Variants in OR3A2 observed in about 807,000 individuals in gnomAD.
OR3A2 encodes olfactory receptor 3A2.
For missense variants in OR3A2, 318 were observed against 392.8 expected, an observed-to-expected ratio of 0.81 and a Z score of 1.61; for synonymous variants, 126 against 159.3, an observed-to-expected ratio of 0.79 and a Z score of 1.57.
intron 2 of OR3A2, among the ~76,000 whole-genome samples, chr17:3,375,406 G>A (rs1330983662): frequency 6.7e-6 from 1 of 149,866 alleles, no homozygotes; most frequent in Admixed American, 6.7e-5. Context: ...GGGTTCAAGT[G>A]ATTCTCCTGC....
At chr17:3,313,706 T>C (rs2049060877) in intron 3 of OR3A2, among the ~76,000 whole-genome samples, 1 of 152,218 alleles carries the variant, frequency 6.6e-6, no homozygotes, top group African/African-American at 2.4e-5. Flanking sequence ...TGAAAGAGTG[T>C]AGCCTACACA....
intron 3 of OR3A2, among the ~76,000 whole-genome samples, chr17:3,334,469 C>T (rs1249058889): frequency 6.6e-6 from 1 of 152,120 alleles, no homozygotes; most frequent in Non-Finnish European, 1.5e-5. Context: ...CTGCAAATGA[C>T]AGAATTTCGT....
intron 2 of OR3A2, among the ~76,000 whole-genome samples, chr17:3,368,100 ATTTG>A (rs761372044): frequency 2.3e-4 from 35 of 151,686 alleles, no homozygotes; most frequent in Middle Eastern, 3.4e-3. Context: ...TTTCTTGCTG[ATTTG>A]TTTGAGTTCC....
rs569909751 is a variant in OR3A2 at position 3,346,646 on chromosome 17, G to GT, written c.-178-10521dup. On this transcript the variant is annotated intron_variant, in intron 2 of 4. Transcript: ENST00000573491. ...CTAGTTCTTATTCACTCTTTCCATG[G>GT]TTTTTTTTTTTGTACCCATTATCCA... Among the ~76,000 whole-genome samples, 766 of 144,820 alleles carry GT rather than the reference G, an allele frequency of 5.3e-3. 8 individuals carry two copies. The highest frequency in any genetic ancestry group is 0.015 in the African/African-American group (603 of 39,768).
At chr17:3,315,370 A>C (rs970969818) in intron 3 of OR3A2, among the ~76,000 whole-genome samples, 4 of 152,136 alleles carry the variant, frequency 2.6e-5, no homozygotes, top group Non-Finnish European at 5.9e-5. Flanking sequence ...ACTTTTTAAT[A>C]GTAGCCATTC....
At chr17:3,362,181 T>C (rs1276586436) in intron 2 of OR3A2, among the ~76,000 whole-genome samples, 1 of 151,798 alleles carries the variant, frequency 6.6e-6, no homozygotes, top group Admixed American at 6.5e-5. Flanking sequence ...CCATTTCTTC[T>C]AGATTTTCTA....
chr17:3,375,092 A>G (rs1022170939), intron 2 of OR3A2, among the ~76,000 whole-genome samples: 12 of 134,266 alleles, frequency 8.9e-5, no homozygotes, highest in Admixed American at 1.6e-4. Context: ...GAGTAGCTTA[A>G]TAGTCAACCT....
At chr17:3,332,246 G>C (rs1377076627) in intron 3 of OR3A2, among the ~76,000 whole-genome samples, 2 of 152,236 alleles carry the variant, frequency 1.3e-5, no homozygotes, top group Admixed American at 6.5e-5. Flanking sequence ...CACCCAGTTC[G>C]AGCTTCGCGG....
chr17:3,323,050 G>A (rs1403473687), intron 3 of OR3A2, among the ~76,000 whole-genome samples: 1 of 152,124 alleles, frequency 6.6e-6, no homozygotes, highest in East Asian at 1.9e-4. Context: ...GAATTTGGGT[G>A]CTCCTGTATT....
chr17:3,382,578 T>C (rs1162953333), intron 2 of OR3A2, among the ~76,000 whole-genome samples: 3 of 152,256 alleles, frequency 2.0e-5, no homozygotes, highest in Non-Finnish European at 4.4e-5. Context: ...CTTTTCCTCA[T>C]GTCCTATTTT....
chr17:3,373,348 T>G (rs1261510468), intron 2 of OR3A2, among the ~76,000 whole-genome samples: 1 of 152,224 alleles, frequency 6.6e-6, no homozygotes, highest in African/African-American at 2.4e-5. Context: ...ATTGTTTCTT[T>G]GTTGACTGTC....
At chr17:3,346,499 AT>A (rs1429861902) in intron 2 of OR3A2, among the ~76,000 whole-genome samples, 2 of 152,152 alleles carry the variant, frequency 1.3e-5, no homozygotes, top group Non-Finnish European at 2.9e-5. Flanking sequence ...CCGCCTTGCC[AT>A]CCCCTCCAGC....
rs143420160 is a variant in OR3A2, at chr17:3,318,577, C to A, written c.-85+17456G>T. Among the ~76,000 whole-genome samples the A allele has an allele frequency of 5.3e-3, 807 of 152,310 alleles. 7 individuals are homozygous for A. Among genetic ancestry groups the A allele is most frequent in the Middle Eastern group, 0.017 (5 of 294 alleles). On this transcript the variant is annotated intron_variant, in intron 3 of 4. Coordinates refer to the OR3A2 transcript ENST00000573491. ...CTTGTTCTTCCACTGTTCTTCCTAC[C>A]CAGCACAGCCTGCTTACTTTTTAGT...
intron 3 of OR3A2, among the ~76,000 whole-genome samples, chr17:3,329,981 T>C (rs1324053588): frequency 2.7e-5 from 4 of 146,798 alleles, no homozygotes; most frequent in Admixed American, 6.8e-5. Context: ...CCAGTAGTCA[T>C]TCAGGAGCAG....
chr17:3,290,960 A>T (rs1390137858), intron 3 of OR3A2: 1 of 152,186 alleles, frequency 6.6e-6, no homozygotes, highest in Non-Finnish European at 1.5e-5. Context: ...TCATTTTTGT[A>T]ACATAAGATA....
intron 1 of OR3A2, chr17:3,383,932 T>C (rs1436825099): frequency 7.5e-6 from 1 of 133,968 alleles, no homozygotes; most frequent in Non-Finnish European, 1.6e-5. Context: ...GAATAAATAT[T>C]GTATACAAAT....
At chr17:3,362,405 G>A (rs2049526582) in intron 2 of OR3A2, among the ~76,000 whole-genome samples, 1 of 151,538 alleles carries the variant, frequency 6.6e-6, no homozygotes, top group Admixed American at 6.6e-5. Flanking sequence ...GGTTTTTTGT[G>A]TCTCTATCTC....
intron 3 of OR3A2, among the ~76,000 whole-genome samples, chr17:3,314,883 C>T (rs2049069163): frequency 6.6e-6 from 1 of 152,080 alleles, no homozygotes; most frequent in Non-Finnish European, 1.5e-5. Context: ...CTCTTGTTCT[C>T]ATATTTATGT....
chr17:3,378,320 C>T (rs575111132), intron 2 of OR3A2, among the ~76,000 whole-genome samples: 3 of 152,224 alleles, frequency 2.0e-5, no homozygotes, highest in Non-Finnish European at 4.4e-5. Flanking sequence ...GGGGCTGGCA[C>T]GTCAGCCCCC....
Sources: gnomAD v4.1 joint callset for allele counts (sites outside exome capture counted in the v4.1 genomes callset) on GRCh38, gnomAD v4.1.1 for gene constraint, MANE v1.5 for transcripts, NCBI Gene and HGNC (gene_info 2026-07-23, HGNC 2026-07-21) for gene names.